The following TIGD7 variants were observed in gnomAD, a reference collection of about 807,000 sequenced individuals.
TIGD7 encodes the protein tigger transposable element-derived protein 7.
In TIGD7, 26 loss-of-function variants were observed where a neutral mutation model predicts 24.8. That is an observed-to-expected ratio of 1.05 (90% CI 0.77 to 1.45). The LOEUF is 1.45. Ranked by LOEUF, TIGD7 falls within the 40% of genes most tolerant of loss-of-function variation. The probability of loss-of-function intolerance (pLI) is 0.00; values close to 1 mark genes in which losing one functional copy is unlikely to be tolerated. For synonymous variants in TIGD7, 221 were observed against 224.1 expected (o/e 0.99, Z 0.12); for missense variants, 679 against 641.6 (o/e 1.06, Z -0.63).
Position 3,300,676 on chromosome 16 carries a change from CAAAA to C in TIGD7, c.-66_-63del. The stretch of plus-strand genomic sequence containing the variant: ...AAAGGGAAAAGCCTTAATGAATTGG[CAAAA>C]AAAAAACCCACATTTTTTAAACAAA... On this transcript the variant is annotated 5_prime_UTR_variant, in exon 2 of 2. The change abolishes the stop of an existing upstream ORF in the 5' untranslated region. Coordinates refer to ENST00000396862, the MANE Select transcript of TIGD7 (RefSeq NM_033208.4). 3.0e-6 allele frequency: 4 copies of C among 1,312,720 alleles called. No individual in the cohort carries two copies. The highest frequency in any genetic ancestry group is 1.0e-6 in the Non-Finnish European group (1 of 990,568). The allele number at this position is 1,312,720 out of a possible 1,614,324, so 81.3% of individuals were successfully genotyped here. A position where few individuals can be genotyped will look rare whatever the true frequency, so the allele number is the denominator to read the frequency against.
rs569007409 is a variant in TIGD7 at position 3,300,175 on chromosome 16, C to T, written c.440G>A (p.Ser147Asn). The T allele has an allele frequency of 8.1e-6, 13 of 1,614,214 alleles. No homozygotes were observed. In the African/African-American group the frequency reaches 1.7e-4, roughly 22 times the overall value. The change falls in exon 2 of 2, where the codon AGT (serine) becomes AAT (asparagine). Residue 147 changes from serine (S) to asparagine (N), a missense_variant. By Grantham distance (46) the Ser-to-Asn change is conservative. Transcript: ENST00000396862. Reference sequence around the variant, plus strand: ...TGGCTCAACATTTTCAGAAACTGAACTTAGGACTTGTTCCCCACATCCTTT... The same window carrying T: ...TGGCTCAACATTTTCAGAAACTGAATTTAGGACTTGTTCCCCACATCCTTT... ...NRKGCGEQVL[S>N]SVSENVEPFR...
intron 1 of TIGD7, chr16:3,304,991 T>C (rs759097711): frequency 6.6e-6 from 1 of 152,202 alleles, no homozygotes; most frequent in Non-Finnish European, 1.5e-5. Context: ...GGTTCAAACC[T>C]ACCTCAAGAA....
chr16:3,300,164 C>A lies in TIGD7; in HGVS notation c.451G>T (p.Glu151Ter), dbSNP rs1252786692. The A allele has an allele frequency of 2.5e-6, 4 of 1,614,110 alleles. No homozygotes were observed. The highest frequency in any genetic ancestry group is 3.4e-6 in the Non-Finnish European group (4 of 1,180,046). ...TTTTGTCGAAATGGCTCAACATTTT[C>A]AGAAACTGAACTTAGGACTTGTTCC... ...CGEQVLSSVSENVEPFRQKLS... is the reference protein window; with the variant it reads ...CGEQVLSSVS Residue 151 changes from glutamate (E) to a stop codon, truncating the protein, a stop_gained, in exon 2 of 2, where the codon GAA (glutamate) becomes TAA (stop). Transcript: ENST00000396862. LOFTEE classifies it high-confidence loss of function.
rs759418438 is a variant in TIGD7, at chr16:3,300,682, A to T, written c.-68T>A. 1.6e-5 allele frequency: 25 copies of T among 1,515,644 alleles called. No individual in the cohort carries two copies. The highest frequency in any genetic ancestry group is 2.2e-5 in the Non-Finnish European group (25 of 1,137,202). 93.9% of individuals were successfully genotyped at this position (1,515,644 alleles called of 1,614,324 possible). On this transcript the variant is annotated 5_prime_UTR_variant, in exon 2 of 2. Transcript: ENST00000396862. ...AAAAGCCTTAATGAATTGGCAAAAAAAAAACCCACATTTTTTAAACAAAAC... is the reference window on the plus strand; with the variant it reads ...AAAAGCCTTAATGAATTGGCAAAAATAAAACCCACATTTTTTAAACAAAAC...
Position 3,299,127 on chromosome 16 carries a change from C to G in TIGD7, c.1488G>C (p.Glu496Asp). The G allele has an allele frequency of 6.8e-7, 1 of 1,470,732 alleles. No homozygotes were observed. 91.1% of individuals were successfully genotyped at this position (1,470,732 alleles called of 1,614,324 possible). A position where few individuals can be genotyped will look rare whatever the true frequency, so the allele number is the denominator to read the frequency against. The part of the protein sequence containing the change: ...YLLDFVDATP[E>D]FQRFHFTLKE... ...TCAGTGTGAAGTGGAATCTCTGAAA[C>G]TCAGGTGTGGCATCAACAAAGTCAA... Residue 496 changes from glutamate (E) to aspartate (D), a missense_variant, in exon 2 of 2, where the codon GAG (glutamate) becomes GAC (aspartate). By Grantham distance (45) the Glu-to-Asp change is conservative. Transcript: ENST00000396862.
chr16:3,300,497 A>T lies in TIGD7; in HGVS notation c.118T>A (p.Ser40Thr). The T allele has an allele frequency of 6.2e-7, 1 of 1,614,012 alleles. No individual in the cohort carries two copies. Among genetic ancestry groups the T allele is most frequent in the East Asian group, 2.2e-5 (1 of 44,878 alleles). The change falls in exon 2 of 2, where the codon TCA becomes ACA. Residue 40 changes from serine to threonine, a missense_variant. Ser to Thr is a moderately conservative substitution (Grantham distance 58). Coordinates refer to ENST00000396862, the MANE Select transcript of TIGD7 (RefSeq NM_033208.4). Reference protein sequence around the residue: ...SVMDEFGISKSTFYDIKKNKK... With the variant: ...SVMDEFGISKTTFYDIKKNKK... Reference sequence around the variant, plus strand: ...TTTTTTTTAATGTCATAAAATGTTGACTTACTGATTCCAAATTCATCCATT... The same window carrying T: ...TTTTTTTTAATGTCATAAAATGTTGTCTTACTGATTCCAAATTCATCCATT...
At chr16:3,302,420 C>A (rs1959963709) in intron 1 of TIGD7, among the ~76,000 whole-genome samples, 1 of 152,188 alleles carries the variant, frequency 6.6e-6, no homozygotes, top group South Asian at 2.1e-4. Context: ...GCCACCACAC[C>A]TGGCCCATAG....
chr16:3,300,589 G>A lies in TIGD7; in HGVS notation c.26C>T (p.Thr9Ile), dbSNP rs1404968675. MNKRGKYT[T>I]LNLEEKMKVL... ...CTTCATTTTCTCCTCCAAATTCAGT[G>A]TTGTATATTTCCCTCTCTTATTCAT... The change falls in exon 2 of 2, where the codon ACA (threonine) becomes ATA (isoleucine). Residue 9 changes from threonine to isoleucine, a missense_variant. Transcript: ENST00000396862. 3.1e-6 allele frequency: 5 copies of A among 1,592,956 alleles called. No individual in the cohort carries two copies. The highest frequency in any genetic ancestry group is 4.3e-6 in the Non-Finnish European group (5 of 1,171,082).
intron 1 of TIGD7, chr16:3,304,970 C>A (rs1163946779): frequency 6.6e-6 from 1 of 152,200 alleles, no homozygotes; most frequent in Admixed American, 6.5e-5. Flanking sequence ...AGAAAAAGAA[C>A]CTATTTCACA....
rs1319301003 is a variant in TIGD7 at position 3,300,111 on chromosome 16, T to C, written c.504A>G (p.Lys168=). Residue 168 remains lysine, a synonymous_variant, in exon 2 of 2, where the codon AAA becomes AAG. Coordinates refer to ENST00000396862, the MANE Select transcript of TIGD7 (RefSeq NM_033208.4). The stretch of plus-strand genomic sequence containing the variant: ...CACTGTATAGCTGAGCTAGACACAG[T>C]TTCTCCTCTTTGATTATCATGGACA... ...QKLSMIIKEE[K]LCLAQLYSGD... The C allele has an allele frequency of 1.9e-6, 3 of 1,614,182 alleles. No homozygotes were observed. Among genetic ancestry groups the C allele is most frequent in the Non-Finnish European group, 2.5e-6 (3 of 1,180,028 alleles).
Position 3,299,598 on chromosome 16 carries a change from T to C in TIGD7, c.1017A>G (p.Lys339=), listed in dbSNP as rs780462783. The C allele has an allele frequency of 1.3e-6, 2 of 1,557,660 alleles. No homozygotes were observed. The change falls in exon 2 of 2, where the codon AAA becomes AAG. Residue 339 remains lysine, a synonymous_variant. Transcript: ENST00000396862. ...PMNQGVILSC[K]RLYRWKQLEE... ...CAAGTTGCTTCCATCTATACAGCCGTTTGCAGCTCAAGATCACACCTTGAT... is the reference window on the plus strand; with the variant it reads ...CAAGTTGCTTCCATCTATACAGCCGCTTGCAGCTCAAGATCACACCTTGAT...
Position 3,300,701 on chromosome 16 carries a change from A to G in TIGD7, c.-87T>C. 1.3e-6 allele frequency: 2 copies of G among 1,498,100 alleles called. No individual in the cohort carries two copies. The highest frequency in any genetic ancestry group is 1.4e-5 in the African/African-American group (1 of 71,246). 92.8% of individuals were successfully genotyped at this position (1,498,100 alleles called of 1,614,324 possible). Reference sequence around the variant, plus strand: ...CAAAAAAAAAACCCACATTTTTTAAACAAAACTTAGCTGAAAGCCCCAGAA... The same window carrying G: ...CAAAAAAAAAACCCACATTTTTTAAGCAAAACTTAGCTGAAAGCCCCAGAA... On this transcript the variant is annotated 5_prime_UTR_variant, in exon 2 of 2. Coordinates refer to ENST00000396862, the MANE Select transcript of TIGD7 (RefSeq NM_033208.4).
In TIGD7 at chr16:3,300,685, A is replaced by C. The variant is rs936319828; in HGVS notation, c.-71T>G. 2.8e-5 allele frequency: 43 copies of C among 1,514,426 alleles called. No individual in the cohort carries two copies. The African/African-American group carries it at 4.9e-4, about 17-fold the overall frequency. The allele number at this position is 1,514,426 out of a possible 1,614,324, so 93.8% of individuals were successfully genotyped here. On this transcript the variant is annotated 5_prime_UTR_variant, in exon 2 of 2. Coordinates refer to ENST00000396862, the MANE Select transcript of TIGD7 (RefSeq NM_033208.4). ...AGCCTTAATGAATTGGCAAAAAAAA[A>C]ACCCACATTTTTTAAACAAAACTTA...
rs74941918 is a variant in TIGD7 at position 3,300,078 on chromosome 16, T to C, written c.537A>G (p.Glu179=). ...LCLAQLYSGD[E]TDLFWKSMPE... ...GCATTGACTTCCAAAAGAGGTCTGT[T>C]TCATCCCCACTGTATAGCTGAGCTA... Residue 179 remains glutamate, a synonymous_variant, in exon 2 of 2, where the codon GAA becomes GAG. Coordinates refer to ENST00000396862, the MANE Select transcript of TIGD7 (RefSeq NM_033208.4). 6,217 of 1,614,176 alleles carry C rather than the reference T, an allele frequency of 3.9e-3. 212 individuals carry two copies. In the African/African-American group the frequency reaches 0.07, roughly 18 times the overall value.
Position 3,300,805 on chromosome 16 carries a change from T to TGCTAGTCTCA in TIGD7, c.-192_-191insTGAGACTAGC. ...AGAGCTAGTCTAGAGGTGGAGGTCT[T>TGCTAGTCTCA]ATGCACTCAGAAAGCTGCCAGTTGC... is the stretch of plus-strand genomic sequence containing the variant. On this transcript the variant is annotated 5_prime_UTR_variant, in exon 2 of 2. It removes the in-frame stop codon of an upstream open reading frame in the 5' UTR. Transcript: ENST00000396862. The TGCTAGTCTCA allele has an allele frequency of 1.0e-6, 1 of 968,592 alleles. No homozygotes were observed. The highest frequency in any genetic ancestry group is 1.4e-6 in the Non-Finnish European group (1 of 697,676). The allele number at this position is 968,592 out of a possible 1,614,324, so 60.0% of individuals were successfully genotyped here.
chr16:3,300,313 A>C lies in TIGD7; in HGVS notation c.302T>G (p.Val101Gly), dbSNP rs770330630. ...TCTCTCTGCAGCAGCCTGAAGCTCC[A>C]CGCCTCTTACCGGAACACCGGCTGA... ...KRSAGVPVRG[V>G]ELQAAAERFA... Residue 101 changes from valine to glycine, a missense_variant, in exon 2 of 2, where the codon GTG becomes GGG. Coordinates refer to ENST00000396862, the MANE Select transcript of TIGD7 (RefSeq NM_033208.4). 3.1e-6 allele frequency: 5 copies of C among 1,614,214 alleles called. No individual in the cohort carries two copies. Among genetic ancestry groups the C allele is most frequent in the South Asian group, 1.1e-5 (1 of 91,084 alleles).
At position 3,300,403 on chromosome 16, in the gene TIGD7, CTCTT is replaced by C. The variant is rs942433917; in HGVS notation, c.208_211del (p.Lys70GlyfsTer10). The stretch of plus-strand genomic sequence containing the variant: ...ATCACCATATTTGGCTCCCGTTGTC[CTCTT>C]TCTCTTCTCAGCCCCTACTAATGGC... On this transcript the variant is annotated frameshift_variant, in exon 2 of 2. Coordinates refer to ENST00000396862, the MANE Select transcript of TIGD7 (RefSeq NM_033208.4). LOFTEE classifies it high-confidence loss of function. 1.2e-6 allele frequency: 2 copies of C among 1,614,082 alleles called. No individual in the cohort carries two copies. Among genetic ancestry groups the C allele is most frequent in the Non-Finnish European group, 1.7e-6 (2 of 1,180,042 alleles).
At position 3,300,257 on chromosome 16, in the gene TIGD7, T is replaced by G; in HGVS notation, c.358A>C (p.Lys120Gln). 1 of 1,614,244 alleles carries G rather than the reference T, an allele frequency of 6.2e-7. No homozygotes were observed. The highest frequency in any genetic ancestry group is 8.5e-7 in the Non-Finnish European group (1 of 1,180,048). Residue 120 changes from lysine to glutamine, a missense_variant, in exon 2 of 2, where the codon AAA (lysine) becomes CAA (glutamine). Lys to Gln is a moderately conservative substitution (Grantham distance 53). Transcript: ENST00000396862. Reference sequence around the variant, plus strand: ...CTAAAAAGCCAACCAGTGCTAGCTTTGAAATCTGTTCGCCCAAAACACCGT... The same window carrying G: ...CTAAAAAGCCAACCAGTGCTAGCTTGGAAATCTGTTCGCCCAAAACACCGT... ...FARCFGRTDF[K>Q]ASTGWLFRFR...
chr16:3,304,356 A>C (rs1230185085), intron 1 of TIGD7, among the ~76,000 whole-genome samples: 7 of 152,156 alleles, frequency 4.6e-5, no homozygotes, highest in African/African-American at 1.7e-4. Flanking sequence ...CCTGCTGTGG[A>C]CAAAATCCCT....
Sources: allele counts gnomAD v4.1 joint callset (sites outside exome capture counted in the v4.1 genomes callset), GRCh38; gene constraint gnomAD v4.1.1; transcripts MANE v1.5; gene names NCBI Gene and HGNC (gene_info 2026-07-23, HGNC 2026-07-21).